CEP112: variants seen among roughly 807,000 people sequenced by gnomAD.
CEP112 encodes centrosomal protein 112.
A neutral mutation model predicts 153.0 loss-of-function variants in CEP112; 127 were observed. That is an observed-to-expected ratio of 0.83 (90% CI 0.72 to 0.96). CEP112 has a LOEUF of 0.96. CEP112 is among the 40% of genes least tolerant of loss of function. The pLI, the probability that CEP112 is intolerant of heterozygous loss-of-function variation, is 0.00. For missense variants in CEP112, 1,089 were observed against 1,101.2 expected, an observed-to-expected ratio of 0.99 and a Z score of 0.16; for synonymous variants, 358 against 374.4, an observed-to-expected ratio of 0.96 and a Z score of 0.51.
At chr17:66,005,418 T>C (rs902655246) in intron 17 of CEP112, among the ~76,000 whole-genome samples, 2 of 152,152 alleles carry the variant, frequency 1.3e-5, no homozygotes, top group Admixed American at 6.5e-5. Context: ...AAAAATATGT[T>C]TTCGCTTAAG....
chr17:66,010,142 A>G (rs1042009303), intron 16 of CEP112, among the ~76,000 whole-genome samples: 4 of 152,092 alleles, frequency 2.6e-5, no homozygotes. Context: ...TTCATTGAGC[A>G]ATGTTTTTTA....
At chr17:65,865,011 A>G (rs1403444608) in intron 20 of CEP112, among the ~76,000 whole-genome samples, 1 of 147,922 alleles carries the variant, frequency 6.8e-6, no homozygotes, top group Non-Finnish European at 1.5e-5. Flanking sequence ...CTTTCATTTT[A>G]CTTTATACAG....
At chr17:65,937,544 G>A in intron 18 of CEP112, among the ~76,000 whole-genome samples, 1 of 115,574 alleles carries the variant, frequency 8.7e-6, no homozygotes, top group East Asian at 3.6e-4. Context: ...TGCCCGGCCA[G>A]CCGCCCCGTC....
chr17:65,991,767 A>G (rs1049949054), intron 17 of CEP112, among the ~76,000 whole-genome samples: 2 of 152,058 alleles, frequency 1.3e-5, no homozygotes, highest in African/African-American at 4.8e-5. Flanking sequence ...CATTTTAAAT[A>G]TTACTATTAA....
intron 21 of CEP112, among the ~76,000 whole-genome samples, chr17:65,831,602 T>C (rs893930137): frequency 6.8e-5 from 10 of 147,960 alleles, no homozygotes; most frequent in African/African-American, 1.5e-4. Context: ...CAAGCAAACA[T>C]GGATAGAAAA....
intron 18 of CEP112, 28 bp from the exon 19 acceptor site, chr17:65,927,717 T>A: frequency 7.2e-7 from 1 of 1,384,262 alleles, no homozygotes; most frequent in Non-Finnish European, 9.8e-7. Context: ...CAAATATTAA[T>A]TTTTTAAACA....
At chr17:65,972,172 T>G (rs887676746) in intron 17 of CEP112, among the ~76,000 whole-genome samples, 2 of 152,186 alleles carry the variant, frequency 1.3e-5, no homozygotes, top group Non-Finnish European at 2.9e-5. Flanking sequence ...TCTCCATAAA[T>G]TTAAAAGGAT....
intron 20 of CEP112, among the ~76,000 whole-genome samples, chr17:65,861,710 A>G (rs901353423): frequency 1.3e-5 from 2 of 152,188 alleles, no homozygotes; most frequent in African/African-American, 4.8e-5. Context: ...TACAATCACC[A>G]TATTTGCAAA....
intron 4 of CEP112, among the ~76,000 whole-genome samples, chr17:66,137,161 G>GAA (rs2070471107): frequency 6.6e-6 from 1 of 152,024 alleles, no homozygotes; most frequent in African/African-American, 2.4e-5. Context: ...TTTTTAAAAA[G>GAA]AAAAATTTGA....
intron 20 of CEP112, among the ~76,000 whole-genome samples, chr17:65,887,369 A>C (rs1029694628): frequency 4.6e-5 from 7 of 152,226 alleles, no homozygotes; most frequent in Admixed American, 3.9e-4. Flanking sequence ...ATTTTAAATT[A>C]GGCCATTTTC....
intron 23 of CEP112, among the ~76,000 whole-genome samples, chr17:65,728,547 G>C (rs2050312008): frequency 6.6e-6 from 1 of 152,114 alleles, no homozygotes; most frequent in African/African-American, 2.4e-5. Context: ...GGGAGAAAGA[G>C]AACTGTTGTA....
intron 9 of CEP112, among the ~76,000 whole-genome samples, chr17:66,069,070 G>A (rs1033758878): frequency 2.0e-4 from 30 of 151,340 alleles, no homozygotes; most frequent in African/African-American, 3.4e-4. Context: ...AGCCAAATAC[G>A]TATTTTACTA....
intron 17 of CEP112, among the ~76,000 whole-genome samples, chr17:65,974,211 G>A (rs915048083): frequency 2.8e-4 from 43 of 151,864 alleles, no homozygotes; most frequent in African/African-American, 1.0e-3. Flanking sequence ...CAAGTGGCTG[G>A]GACTACAGGC....
chr17:66,076,930 G>A (rs1055239209), intron 8 of CEP112, among the ~76,000 whole-genome samples: 9 of 152,148 alleles, frequency 5.9e-5, no homozygotes, highest in African/African-American at 1.9e-4. Context: ...GACTCGCTGG[G>A]TGGCTAGACC....
intron 6 of CEP112, among the ~76,000 whole-genome samples, chr17:66,109,570 CT>C (rs748818443): frequency 6.6e-5 from 10 of 151,594 alleles, no homozygotes; most frequent in Non-Finnish European, 1.5e-4. Flanking sequence ...CCTAGATAAA[CT>C]GACAAAATGA....
At chr17:65,644,198 G>C (rs989347016) in intron 24 of CEP112, 2 of 723,610 alleles carry the variant, frequency 2.8e-6, no homozygotes, top group Admixed American at 4.1e-5. Flanking sequence ...TTGCGTTGGG[G>C]ACCAGAAAGT....
chr17:65,743,621 G>A (rs946583804), intron 22 of CEP112, among the ~76,000 whole-genome samples: 2 of 152,174 alleles, frequency 1.3e-5, no homozygotes, highest in African/African-American at 4.8e-5. Context: ...ATAATGAACA[G>A]AGTTTATTCT....
At chr17:65,953,573 T>C (rs979112891) in intron 18 of CEP112, among the ~76,000 whole-genome samples, 1 of 152,134 alleles carries the variant, frequency 6.6e-6, no homozygotes, top group Admixed American at 6.5e-5. Flanking sequence ...TCAACCCTGA[T>C]TGCCAGTTGC....
intron 24 of CEP112, among the ~76,000 whole-genome samples, chr17:65,675,356 C>T (rs1381746229): frequency 1.3e-5 from 2 of 152,302 alleles, no homozygotes; most frequent in East Asian, 3.9e-4. Context: ...CAGGTGTTCA[C>T]CACCATGTCC....
Sources: gnomAD v4.1 joint callset for allele counts (sites outside exome capture counted in the v4.1 genomes callset) on GRCh38, gnomAD v4.1.1 for gene constraint, MANE v1.5 for transcripts, NCBI Gene and HGNC (gene_info 2026-07-23, HGNC 2026-07-21) for gene names.